BAZ2B: variants seen among roughly 807,000 people sequenced by gnomAD.
BAZ2B encodes the protein bromodomain adjacent to zinc finger domain 2B, also known as bromodomain adjacent to zinc finger domain protein 2B.
BAZ2B carries 91 observed loss-of-function variants against 246.0 expected under a neutral mutation model. The observed-to-expected ratio is 0.37, with a 90% CI of 0.31 to 0.44. The LOEUF (loss-of-function observed/expected upper bound fraction) is 0.44. BAZ2B is among the 20% of genes least tolerant of loss of function. The pLI is 1.00. For missense variants in BAZ2B, 2,332 were observed against 2,533.7 expected, an observed-to-expected ratio of 0.92 and a Z score of 1.71; for synonymous variants, 855 against 860.0, an observed-to-expected ratio of 0.99 and a Z score of 0.10.
At chr2:159,338,366 C>T (rs998479154) in intron 31 of BAZ2B, among the ~76,000 whole-genome samples, 11 of 152,164 alleles carry the variant, frequency 7.2e-5, no homozygotes, top group Admixed American at 2.6e-4. Context: ...GACAGGTTCT[C>T]ATAGGACCAT....
At chr2:159,589,204 G>C (rs1373233770) in intron 1 of BAZ2B, among the ~76,000 whole-genome samples, 2 of 152,120 alleles carry the variant, frequency 1.3e-5, no homozygotes, top group Non-Finnish European at 2.9e-5. Flanking sequence ...AAGCTACCTG[G>C]CAGGAAGAGT....
At chr2:159,495,594 G>C (rs564760855) in intron 2 of BAZ2B, among the ~76,000 whole-genome samples, 1 of 148,264 alleles carries the variant, frequency 6.7e-6, no homozygotes, top group South Asian at 2.1e-4. Context: ...ATTTAGAATA[G>C]TTTTTATAAT....
chr2:159,396,183 AC>A (rs1328324988), intron 19 of BAZ2B: 1 of 167,818 alleles, frequency 6.0e-6, no homozygotes, highest in Admixed American at 6.3e-5. Flanking sequence ...CAGTTACCTT[AC>A]ATCTGCTATT....
At chr2:159,537,631 C>T (rs934700222) in intron 2 of BAZ2B, among the ~76,000 whole-genome samples, 3 of 152,192 alleles carry the variant, frequency 2.0e-5, no homozygotes, top group Non-Finnish European at 2.9e-5. Flanking sequence ...CTGAGCCTTT[C>T]GGAGTTTCAA....
At chr2:159,448,811 A>G (rs1293371757) in intron 4 of BAZ2B, among the ~76,000 whole-genome samples, 2 of 152,184 alleles carry the variant, frequency 1.3e-5, no homozygotes, top group Non-Finnish European at 2.9e-5. Flanking sequence ...ACTTTCCTCA[A>G]ATTACATACA....
chr2:159,478,115 T>C (rs2078830780), intron 3 of BAZ2B, among the ~76,000 whole-genome samples: 1 of 152,230 alleles, frequency 6.6e-6, no homozygotes, highest in South Asian at 2.1e-4. Flanking sequence ...ATTTTATTCA[T>C]GTTTAAGAAA....
chr2:159,571,653 A>G (rs1208491357), intron 1 of BAZ2B, among the ~76,000 whole-genome samples: 3 of 152,218 alleles, frequency 2.0e-5, no homozygotes, highest in Admixed American at 1.3e-4. Flanking sequence ...TTCTGCTGCT[A>G]TAACAGAATG....
chr2:159,707,973 AAG>A, the BAZ2B span, among the ~76,000 whole-genome samples: 2 of 151,992 alleles, frequency 1.3e-5, no homozygotes, highest in African/African-American at 4.8e-5. Flanking sequence ...CCTGGGAGAC[AAG>A]AGTGAGACTC....
At chr2:159,366,369 G>A (rs745766188) in intron 27 of BAZ2B, among the ~76,000 whole-genome samples, 32 of 152,142 alleles carry the variant, frequency 2.1e-4, no homozygotes, top group Admixed American at 3.3e-4. Flanking sequence ...GGAACCTGTC[G>A]TCTTATGTGA....
intron 1 of BAZ2B, among the ~76,000 whole-genome samples, chr2:159,605,258 C>G (rs963307944): frequency 6.6e-6 from 1 of 151,876 alleles, no homozygotes; most frequent in African/African-American, 2.4e-5. Flanking sequence ...TGATCTTGAA[C>G]TCCTAGCCTC....
At chr2:159,530,843 GCCTGTAATCCC>G (rs1338580747) in intron 2 of BAZ2B, among the ~76,000 whole-genome samples, 2 of 151,966 alleles carry the variant, frequency 1.3e-5, no homozygotes, top group Non-Finnish European at 2.9e-5. Context: ...GGTGCCGCAT[GCCTGTAATCCC>G]AGCTACTCAG....
intron 10 of BAZ2B, 135 bp downstream of exon 10, chr2:159,430,728 C>T (rs1576946452): frequency 2.2e-6 from 3 of 1,382,230 alleles, no homozygotes; most frequent in East Asian, 2.5e-5. Context: ...AATACAGGCT[C>T]ACCTTCCTTA....
intron 25 of BAZ2B, among the ~76,000 whole-genome samples, chr2:159,380,306 T>C (rs1414810070): frequency 6.6e-6 from 1 of 152,216 alleles, no homozygotes; most frequent in African/African-American, 2.4e-5. Flanking sequence ...ATTTTCTCAC[T>C]TTCTATTGTA....
At chr2:159,391,035 C>T (rs915742787) in intron 20 of BAZ2B, among the ~76,000 whole-genome samples, 6 of 152,030 alleles carry the variant, frequency 3.9e-5, no homozygotes, top group African/African-American at 1.2e-4. Context: ...GCAGAGTCAC[C>T]GGTAGAATAA....
At chr2:159,604,655 G>T (rs1692973575) in intron 1 of BAZ2B, among the ~76,000 whole-genome samples, 1 of 152,096 alleles carries the variant, frequency 6.6e-6, no homozygotes, top group Non-Finnish European at 1.5e-5. Flanking sequence ...TTAAAAAATT[G>T]ACCTTTAGTT....
the BAZ2B span, among the ~76,000 whole-genome samples, chr2:159,648,853 C>A: frequency 6.6e-6 from 1 of 152,088 alleles, no homozygotes; most frequent in African/African-American, 2.4e-5. Flanking sequence ...ATAGCTGGAT[C>A]ATATGGTAGG....
intron 20 of BAZ2B, among the ~76,000 whole-genome samples, chr2:159,394,041 A>C (rs183283054): frequency 3.3e-5 from 5 of 152,216 alleles, no homozygotes; most frequent in Admixed American, 3.3e-4. Flanking sequence ...AGTATGCCTA[A>C]AGATAACGTT....
At chr2:159,466,971 A>C (rs1390032248) in intron 3 of BAZ2B, among the ~76,000 whole-genome samples, 1 of 152,222 alleles carries the variant, frequency 6.6e-6, no homozygotes, top group Non-Finnish European at 1.5e-5. Context: ...CCCACGAGCC[A>C]GTCAAGGGGA....
chr2:159,410,603 T>G (rs975074157), intron 14 of BAZ2B, among the ~76,000 whole-genome samples: 4 of 152,170 alleles, frequency 2.6e-5, no homozygotes, highest in Non-Finnish European at 4.4e-5. Flanking sequence ...TCAATTAAAC[T>G]TCTTCCTTTA....
Sources: allele counts gnomAD v4.1 joint callset (sites outside exome capture counted in the v4.1 genomes callset), GRCh38; gene constraint gnomAD v4.1.1; transcripts MANE v1.5; gene names NCBI Gene and HGNC (gene_info 2026-07-23, HGNC 2026-07-21).